NUDT14: variants seen among roughly 807,000 people sequenced by gnomAD.
NUDT14 encodes uridine diphosphate glucose pyrophosphatase NUDT14.
Under a neutral mutation model 17.5 loss-of-function variants are expected in NUDT14, and 22 were observed. The ratio of observed to expected loss-of-function variants is 1.26; its 90% CI spans 0.90 to 1.80. NUDT14 has a LOEUF of 1.80. Ranked by LOEUF, NUDT14 falls within the 40% of genes most tolerant of loss-of-function variation. The probability of loss-of-function intolerance (pLI) is 0.00; values close to 1 mark genes in which losing one functional copy is unlikely to be tolerated. For synonymous variants in NUDT14, 129 were observed against 125.8 expected, an observed-to-expected ratio of 1.03 and a Z score of -0.17; for missense variants, 296 against 295.6, an observed-to-expected ratio of 1.00 and a Z score of -0.01.
At position 105,181,143 on chromosome 14, in the gene NUDT14, G is replaced by A; in HGVS notation, c.67C>T (p.Leu23=). The A allele has an allele frequency of 8.8e-7, 1 of 1,142,306 alleles. No homozygotes were observed. Among genetic ancestry groups the A allele is most frequent in the South Asian group, 2.7e-5 (1 of 37,626 alleles). 70.8% of individuals were successfully genotyped at this position (1,142,306 alleles called of 1,614,324 possible). ...AASPYLRPLT[L]HYRQNGAQKS... is the part of the protein sequence containing the mutation. ...CGCGGGCTCACCTGGCGGTAATGCA[G>A]CGTGAGCGGCCGCAGGTAGGGTGAG... The change falls in exon 1 of 5, where the codon CTG becomes TTG. Residue 23 remains leucine, a synonymous_variant. Coordinates refer to ENST00000392568, the MANE Select transcript of NUDT14 (RefSeq NM_177533.5). The surrounding 1 kb of genome is among the most constrained non-coding windows in gnomAD (Gnocchi z 5.0).
In NUDT14 at chr14:105,181,001, G is replaced by C. The variant is rs1269684537; in HGVS notation, c.81+128C>G. 2 of 255,148 alleles carry C rather than the reference G, an allele frequency of 7.8e-6. No individual in the cohort carries two copies. Among genetic ancestry groups the C allele is most frequent in the Non-Finnish European group, 1.3e-5 (2 of 158,982 alleles). 15.8% of individuals were successfully genotyped at this position (255,148 alleles called of 1,614,324 possible). On this transcript the variant is annotated intron_variant, in intron 1 of 4. Coordinates refer to ENST00000392568, the MANE Select transcript of NUDT14 (RefSeq NM_177533.5). This position sits in a 1 kb window ranked among gnomAD's most constrained non-coding sequence, Gnocchi z 5.0. Reference sequence around the variant, plus strand: ...CCGGCGGGCGGACAAGCGGCCGCCCGGGAGATCGGCGGGAGGCGGGGGCGG... The same window carrying C: ...CCGGCGGGCGGACAAGCGGCCGCCCCGGAGATCGGCGGGAGGCGGGGGCGG...
chr14:105,177,142 G>A (rs1399172626), intron 2 of NUDT14, 115 bp from the exon 3 acceptor site: 2 of 959,854 alleles, frequency 2.1e-6, no homozygotes, highest in Non-Finnish European at 3.2e-6. Flanking sequence ...AGCAGCCCAG[G>A]GAGGTCAGGC....
intron 4 of NUDT14, among the ~76,000 whole-genome samples, chr14:105,174,592 C>T (rs984257714): frequency 5.3e-5 from 8 of 152,216 alleles, no homozygotes; most frequent in African/African-American, 1.7e-4. Context: ...CCCTCTAGCC[C>T]CTCACCTCCC....
intron 4 of NUDT14, among the ~76,000 whole-genome samples, chr14:105,175,101 T>C (rs934573795): frequency 6.6e-6 from 1 of 152,216 alleles, no homozygotes; most frequent in Admixed American, 6.5e-5. Context: ...ACAATCAGGC[T>C]GTGGCCCAGA....
chr14:105,177,480 T>C (rs587650224), intron 2 of NUDT14, among the ~76,000 whole-genome samples: 6 of 152,252 alleles, frequency 3.9e-5, no homozygotes, highest in African/African-American at 1.4e-4. Flanking sequence ...ATGGTCCCGG[T>C]GGCCTGAGCA....
In NUDT14 at chr14:105,176,668, C is replaced by T. The variant is rs768286527; in HGVS notation, c.294G>A (p.Gly98=). Residue 98 remains glycine (G), a synonymous_variant, in exon 4 of 5, where the codon GGG becomes GGA. Transcript: ENST00000392568. ...ELQPALPGSA[G]VTVELCAGLV... ...GGCCGGCACACAGCTCAACTGTCAC[C>T]CCCGCTGAGCCGGGCAGGGCTGGCT... 2 of 1,612,740 alleles carry T rather than the reference C, an allele frequency of 1.2e-6. No individual in the cohort carries two copies. Among genetic ancestry groups the T allele is most frequent in the Non-Finnish European group, 1.7e-6 (2 of 1,179,958 alleles).
intron 4 of NUDT14, chr14:105,175,924 G>A: frequency 8.1e-7 from 1 of 1,239,416 alleles, no homozygotes; most frequent in Non-Finnish European, 1.0e-6. Context: ...TGGGGGTGGG[G>A]GTCTGTGACA....
chr14:105,175,989 T>C, intron 4 of NUDT14: 1 of 1,271,298 alleles, frequency 7.9e-7, no homozygotes, highest in Non-Finnish European at 1.0e-6. Flanking sequence ...GTAGCGTCCC[T>C]GGGGAAGTGG....
chr14:105,175,297 C>T (rs904875110), intron 4 of NUDT14, among the ~76,000 whole-genome samples: 2 of 152,228 alleles, frequency 1.3e-5, no homozygotes, highest in African/African-American at 4.8e-5. Flanking sequence ...GCACAGTGGG[C>T]GTGGCCCACC....
Position 105,176,620 on chromosome 14 carries a change from C to T in NUDT14, c.342G>A (p.Ser114=), listed in dbSNP as rs759854798. The change falls in exon 4 of 5, where the codon TCG becomes TCA. Residue 114 remains serine, a synonymous_variant. Coordinates refer to ENST00000392568, the MANE Select transcript of NUDT14 (RefSeq NM_177533.5). ...CAGLVDQPGL[S]LEEVACKEAW... Reference sequence around the variant, plus strand: ...CCTCCTTGCAAGCCACTTCCTCCAGCGAGAGCCCAGGCTGGTCCACGAGGC... The same window carrying T: ...CCTCCTTGCAAGCCACTTCCTCCAGTGAGAGCCCAGGCTGGTCCACGAGGC... 6.2e-6 allele frequency: 10 copies of T among 1,612,634 alleles called. No individual in the cohort carries two copies. Among genetic ancestry groups the T allele is most frequent in the East Asian group, 2.2e-5 (1 of 44,882 alleles).
chr14:105,177,816 G>A lies in NUDT14; in HGVS notation c.82-81C>T, dbSNP rs1185546603. The A allele has an allele frequency of 7.7e-6, 10 of 1,300,380 alleles. No individual in the cohort carries two copies. In the Middle Eastern group the frequency reaches 5.6e-4, roughly 73 times the overall value. The allele number at this position is 1,300,380 out of a possible 1,614,324, so 80.6% of individuals were successfully genotyped here. ...GAACCGAGGAGGCCACAGACCCATT[G>A]CACCCACTCCTAACCAGGGAGATCG... On this transcript the variant is annotated intron_variant, in intron 1 of 4. Coordinates refer to ENST00000392568, the MANE Select transcript of NUDT14 (RefSeq NM_177533.5).
At chr14:105,178,408 C>T (rs1384195979) in intron 1 of NUDT14, among the ~76,000 whole-genome samples, 4 of 152,182 alleles carry the variant, frequency 2.6e-5, no homozygotes, top group South Asian at 2.1e-4. Context: ...CCTGTGGTCC[C>T]GTTCTCCTGT....
At chr14:105,176,108 G>T in intron 4 of NUDT14, 1 of 739,318 alleles carries the variant, frequency 1.4e-6, no homozygotes, top group African/African-American at 1.8e-5. Flanking sequence ...GTCCCAAAGC[G>T]CAGGCTCTAG....
Position 105,173,235 on chromosome 14 carries a change from C to CTGG in NUDT14, c.452_454dup (p.Ser151_Arg152insThr). On this transcript the variant is annotated inframe_insertion, in exon 5 of 5. Coordinates refer to ENST00000392568, the MANE Select transcript of NUDT14 (RefSeq NM_177533.5). The surrounding 1 kb of genome is among the most constrained non-coding windows in gnomAD (Gnocchi z 4.7). ...CACCTCTGTGTAGAACATGGTCTGT[C>CTGG]TGGAGCCAGTCAGTCCCACTCCAGA... 6.3e-7 allele frequency: 1 copy of CTGG among 1,589,146 alleles called. No homozygotes were observed. Among genetic ancestry groups the CTGG allele is most frequent in the Non-Finnish European group, 8.6e-7 (1 of 1,169,150 alleles).
At chr14:105,175,031 G>A (rs1194632922) in intron 4 of NUDT14, among the ~76,000 whole-genome samples, 13 of 152,320 alleles carry the variant, frequency 8.5e-5, no homozygotes, top group African/African-American at 2.9e-4. Flanking sequence ...TGCTCTTCCC[G>A]ATGCGAGTCT....
chr14:105,174,288 G>A (rs1889165861), intron 4 of NUDT14, among the ~76,000 whole-genome samples: 1 of 152,072 alleles, frequency 6.6e-6, no homozygotes, highest in Admixed American at 6.5e-5. Flanking sequence ...GAGGGGCTGG[G>A]CTGCATTCTG....
At chr14:105,178,944 G>A (rs1186167901) in intron 1 of NUDT14, among the ~76,000 whole-genome samples, 3 of 152,094 alleles carry the variant, frequency 2.0e-5, no homozygotes, top group Admixed American at 2.0e-4. Flanking sequence ...CCGAGAGGCC[G>A]TGGGGTACCA....
At chr14:105,176,299 C>T in intron 4 of NUDT14, 1 of 591,994 alleles carries the variant, frequency 1.7e-6, no homozygotes. Flanking sequence ...GCCTGCCTCA[C>T]ACAGCTGGGG....
intron 1 of NUDT14, among the ~76,000 whole-genome samples, chr14:105,179,557 AGAGTGCTGCCACCAGGG>A (rs1417844196): frequency 1.3e-5 from 2 of 152,198 alleles, no homozygotes; most frequent in Non-Finnish European, 2.9e-5. Context: ...AGTGAGGGAG[AGAGTGCTGCCACCAGGG>A]CCACAGAGGG....
Sources: gnomAD v4.1 joint callset for allele counts (sites outside exome capture counted in the v4.1 genomes callset) on GRCh38, gnomAD v4.1.1 for gene constraint, Gnocchi (gnomAD v3.1) non-coding constraint, MANE v1.5 for transcripts, NCBI Gene and HGNC (gene_info 2026-07-23, HGNC 2026-07-21) for gene names.